CIBAR2: variants seen among roughly 807,000 people sequenced by gnomAD.
The protein encoded by CIBAR2 is CBY1 interacting BAR domain containing 2.
A neutral mutation model predicts 36.2 loss-of-function variants in CIBAR2; 38 were observed. The ratio of observed to expected loss-of-function variants is 1.05; its 90% CI spans 0.81 to 1.38. The LOEUF is 1.38. Ranked by LOEUF, CIBAR2 falls within the 40% of genes most tolerant of loss-of-function variation. CIBAR2 has a pLI of 0.00. For missense variants in CIBAR2, 481 were observed against 383.4 expected, an observed-to-expected ratio of 1.25 and a Z score of -2.13; for synonymous variants, 182 against 149.5, an observed-to-expected ratio of 1.22 and a Z score of -1.58.
Position 85,105,406 on chromosome 16 carries a change from G to T in CIBAR2, c.458C>A (p.Ala153Asp), listed in dbSNP as rs1367384520. The change falls in exon 6 of 9, where the codon GCT becomes GAT. Residue 153 changes from alanine (A) to aspartate (D), a missense_variant. Physicochemically the swap from Ala to Asp is moderately radical, Grantham distance 126. Transcript: ENST00000539556. ...GAGGGTGGTGCGGCTGGAGTCCACA[G>T]CGGCCCTCTGCACTCTGGTCTCTGC... is the stretch of plus-strand genomic sequence containing the variant. The part of the protein sequence containing the change: ...SQAETRVQRA[A>D]VDSSRTTLQL... 1 of 1,613,678 alleles carries T rather than the reference G, an allele frequency of 6.2e-7. No individual in the cohort carries two copies. Among genetic ancestry groups the T allele is most frequent in the African/African-American group, 1.3e-5 (1 of 74,936 alleles).
At chr16:85,105,007 T>A (rs1348593131) in intron 6 of CIBAR2, among the ~76,000 whole-genome samples, 1 of 152,208 alleles carries the variant, frequency 6.6e-6, no homozygotes, top group Non-Finnish European at 1.5e-5. Flanking sequence ...AGAGCCATCC[T>A]GTGTGAAGAG....
At chr16:85,112,213 C>T (rs551481736) in intron 1 of CIBAR2, 120 bp downstream of exon 1, 5 of 813,774 alleles carry the variant, frequency 6.1e-6, no homozygotes, top group Non-Finnish European at 8.3e-6. Context: ...GGAGAGCTCC[C>T]CTCACCCCCA....
chr16:85,107,158 G>C (rs534879780), intron 5 of CIBAR2, among the ~76,000 whole-genome samples: 15 of 151,402 alleles, frequency 9.9e-5, no homozygotes, highest in East Asian at 9.7e-4. Flanking sequence ...CAAAAAAAAG[G>C]GGGGGGGCAC....
Position 85,112,328 on chromosome 16 carries a change from C to G in CIBAR2, c.20+5G>C. On this transcript the variant is annotated splice_donor_5th_base_variant and intron_variant, in intron 1 of 8. Transcript: ENST00000539556. ...TCACAGCCAGGCTGGCGCTGGCCCACTCACCTGGAGAAGACGATGTTCATT... is the reference window on the plus strand; with the variant it reads ...TCACAGCCAGGCTGGCGCTGGCCCAGTCACCTGGAGAAGACGATGTTCATT... 1.2e-6 allele frequency: 2 copies of G among 1,614,018 alleles called. No homozygotes were observed. The highest frequency in any genetic ancestry group is 2.2e-5 in the South Asian group (2 of 91,088).
intron 8 of CIBAR2, 84 bp from the exon 9 acceptor site, chr16:85,099,430 A>C: frequency 1.2e-6 from 1 of 809,792 alleles, no homozygotes; most frequent in Non-Finnish European, 2.1e-6. Context: ...TCACCTCCCT[A>C]ACCTCTGAGG....
intron 2 of CIBAR2, 31 bp downstream of exon 2, chr16:85,110,195 A>G: frequency 1.3e-6 from 2 of 1,503,906 alleles, no homozygotes; most frequent in Non-Finnish European, 1.8e-6. Context: ...GGTACCCCTC[A>G]GCATCCCAGA....
intron 6 of CIBAR2, among the ~76,000 whole-genome samples, chr16:85,104,744 T>C (rs763680404): frequency 2.0e-5 from 3 of 152,034 alleles, no homozygotes; most frequent in South Asian, 4.2e-4. Flanking sequence ...AAAATCCCCA[T>C]GGTGGTGTGC....
chr16:85,111,638 G>A (rs1446024354), intron 1 of CIBAR2, among the ~76,000 whole-genome samples: 1 of 152,174 alleles, frequency 6.6e-6, no homozygotes, highest in Non-Finnish European at 1.5e-5. Flanking sequence ...CTGAGCTCAG[G>A]AGTTCAAGAC....
At position 85,110,344 on chromosome 16, in the gene CIBAR2, G is replaced by A. The variant is rs750660848; in HGVS notation, c.137C>T (p.Ala46Val). 1.9e-5 allele frequency: 30 copies of A among 1,613,126 alleles called. No individual in the cohort carries two copies. The highest frequency in any genetic ancestry group is 2.7e-5 in the African/African-American group (2 of 74,912). The change falls in exon 2 of 9, where the codon GCG becomes GTG. Residue 46 changes from alanine to valine, a missense_variant. Coordinates refer to ENST00000539556, the MANE Select transcript of CIBAR2 (RefSeq NM_198491.3). ...GATGAGCTGCTTGACCAGCTGGTCC[G>A]CCTTGTCCCGCAGCCGGGCCGTCTT... ...TRKTARLRDK[A>V]DQLVKQLIDF...
chr16:85,103,181 C>T (rs1296164577), intron 6 of CIBAR2, among the ~76,000 whole-genome samples: 1 of 152,074 alleles, frequency 6.6e-6, no homozygotes, highest in Non-Finnish European at 1.5e-5. Context: ...GGGATTAGTG[C>T]CCTTGTAAAA....
At chr16:85,104,631 A>C (rs1414400895) in intron 6 of CIBAR2, among the ~76,000 whole-genome samples, 1 of 152,114 alleles carries the variant, frequency 6.6e-6, no homozygotes, top group Non-Finnish European at 1.5e-5. Context: ...CAGGAGAATC[A>C]CTTAAACCCG....
rs572911192 is a variant in CIBAR2 at position 85,098,854 on chromosome 16, C to T, written c.*331G>A. On this transcript the variant is annotated 3_prime_UTR_variant, in exon 9 of 9. Coordinates refer to ENST00000539556, the MANE Select transcript of CIBAR2 (RefSeq NM_198491.3). Reference sequence around the variant, plus strand: ...TTACTGTTCTAAGCCACTCTGCAGGCGAGGACTCTAAGGCACAGAGAGGCT... The same window carrying T: ...TTACTGTTCTAAGCCACTCTGCAGGTGAGGACTCTAAGGCACAGAGAGGCT... 60 of 225,144 alleles carry T rather than the reference C, an allele frequency of 2.7e-4. No homozygotes were observed. The highest frequency in any genetic ancestry group is 1.3e-3 in the African/African-American group (55 of 42,976). 13.9% of individuals were successfully genotyped at this position (225,144 alleles called of 1,614,324 possible). A position where few individuals can be genotyped will look rare whatever the true frequency, so the allele number is the denominator to read the frequency against.
Position 85,098,550 on chromosome 16 carries a change from T to G in CIBAR2, c.*635A>C, listed in dbSNP as rs2073928500. The G allele has an allele frequency of 1.0e-6, 1 of 985,912 alleles. No homozygotes were observed. Among genetic ancestry groups the G allele is most frequent in the African/African-American group, 1.7e-5 (1 of 57,258 alleles). 61.1% of individuals were successfully genotyped at this position (985,912 alleles called of 1,614,324 possible). On this transcript the variant is annotated 3_prime_UTR_variant, in exon 9 of 9. Transcript: ENST00000539556. ...CCAAGGCCAGCTAAGTTCTTCTGAC[T>G]GTTGTGGGCAGTTCTCTCTTATGGG... is the stretch of plus-strand genomic sequence containing the variant.
At chr16:85,111,603 TG>T (rs922056875) in intron 1 of CIBAR2, among the ~76,000 whole-genome samples, 1 of 152,178 alleles carries the variant, frequency 6.6e-6, no homozygotes, top group South Asian at 2.1e-4. Context: ...CCCAGCTCTT[TG>T]GGGGGCCGAG....
At position 85,110,314 on chromosome 16, in the gene CIBAR2, A is replaced by G; in HGVS notation, c.167T>C (p.Phe56Ser). The G allele has an allele frequency of 6.2e-7, 1 of 1,612,462 alleles. No individual in the cohort carries two copies. Among genetic ancestry groups the G allele is most frequent in the African/African-American group, 1.3e-5 (1 of 74,988 alleles). ...ADQLVKQLIDFANSENPELRA... is the reference protein window; with the variant it reads ...ADQLVKQLIDSANSENPELRA... ...CAGCTCGGGGTTCTCGGAGTTGGCA[A>G]AGTCGATGAGCTGCTTGACCAGCTG... Residue 56 changes from phenylalanine (F) to serine (S), a missense_variant, in exon 2 of 9, where the codon TTT becomes TCT. Transcript: ENST00000539556.
chr16:85,102,879 C>A lies in CIBAR2; in HGVS notation c.538-552G>T, dbSNP rs967836433. ...AGCTTGCTTTTCCCCTGCTAACAAT[C>A]GGTCCTGGAGATCTCTTCACAGGAG... On this transcript the variant is annotated intron_variant, in intron 6 of 8. Coordinates refer to ENST00000539556, the MANE Select transcript of CIBAR2 (RefSeq NM_198491.3). 1.1e-4 allele frequency among the ~76,000 whole-genome samples: 16 copies of A among 150,746 alleles called. 2 individuals carry two copies. The highest frequency in any genetic ancestry group is 7.3e-4 in the Admixed American group (11 of 15,164).
At chr16:85,101,739 G>T (rs901106020) in intron 7 of CIBAR2, among the ~76,000 whole-genome samples, 9 of 150,546 alleles carry the variant, frequency 6.0e-5, no homozygotes, top group Admixed American at 6.6e-5. Flanking sequence ...GCACGATCTC[G>T]GCTCACTGCA....
rs1344416362 is a variant in CIBAR2, at chr16:85,098,490, T to G, written c.*695A>C. 1 of 983,946 alleles carries G rather than the reference T, an allele frequency of 1.0e-6. No individual in the cohort carries two copies. The highest frequency in any genetic ancestry group is 1.2e-6 in the Non-Finnish European group (1 of 828,312). 61.0% of individuals were successfully genotyped at this position (983,946 alleles called of 1,614,324 possible). On this transcript the variant is annotated 3_prime_UTR_variant, in exon 9 of 9. Coordinates refer to ENST00000539556, the MANE Select transcript of CIBAR2 (RefSeq NM_198491.3). ...ACTGAGGCTCAGAGGACACGTGGCT[T>G]GCCTGAGGGCACACAGCAGAGCCCA...
chr16:85,098,922 G>T lies in CIBAR2; in HGVS notation c.*263C>A. On this transcript the variant is annotated 3_prime_UTR_variant, in exon 9 of 9. Coordinates refer to ENST00000539556, the MANE Select transcript of CIBAR2 (RefSeq NM_198491.3). ...TCACACCGCCGGGAGCAGTGGGCTCGGACCAAGAAATAGATAGCATAAAGA... is the reference window on the plus strand; with the variant it reads ...TCACACCGCCGGGAGCAGTGGGCTCTGACCAAGAAATAGATAGCATAAAGA... 1 of 331,342 alleles carries T rather than the reference G, an allele frequency of 3.0e-6. No homozygotes were observed. Among genetic ancestry groups the T allele is most frequent in the Non-Finnish European group, 5.2e-6 (1 of 193,186 alleles). 20.5% of individuals were successfully genotyped at this position (331,342 alleles called of 1,614,324 possible). A position where few individuals can be genotyped will look rare whatever the true frequency, so the allele number is the denominator to read the frequency against.
Sources: allele counts gnomAD v4.1 joint callset (sites outside exome capture counted in the v4.1 genomes callset), GRCh38; gene constraint gnomAD v4.1.1; transcripts MANE v1.5; gene names NCBI Gene and HGNC (gene_info 2026-07-23, HGNC 2026-07-21).